Variants in MAGI3 observed in about 807,000 individuals in gnomAD.
MAGI3 encodes membrane-associated guanylate kinase, WW and PDZ domain-containing protein 3.
A neutral mutation model predicts 121.8 loss-of-function variants in MAGI3; 43 were observed. The observed-to-expected ratio is 0.35, with a 90% CI of 0.28 to 0.46. The LOEUF (loss-of-function observed/expected upper bound fraction) is 0.46, where lower values mean the gene tolerates loss of function less well. MAGI3 is among the 20% of genes least tolerant of loss of function. MAGI3 has a pLI of 1.00. For synonymous variants in MAGI3, 553 were observed against 639.3 expected, an observed-to-expected ratio of 0.86 and a Z score of 2.04; for missense variants, 1,547 against 1,797.3, an observed-to-expected ratio of 0.86 and a Z score of 2.52.
chr1:113,627,153 AT>A (rs941995018), intron 9 of MAGI3, among the ~76,000 whole-genome samples: 2 of 151,676 alleles, frequency 1.3e-5, no homozygotes, highest in African/African-American at 2.4e-5. Flanking sequence ...GTTTCAAGAA[AT>A]TTTTCCAATT....
intron 1 of MAGI3, among the ~76,000 whole-genome samples, chr1:113,405,029 G>T (rs918204493): frequency 6.6e-6 from 1 of 152,024 alleles, no homozygotes; most frequent in Non-Finnish European, 1.5e-5. Context: ...TGAAAAAGAG[G>T]CAGTATGTTA....
At chr1:113,438,444 T>C (rs1186516499) in intron 1 of MAGI3, among the ~76,000 whole-genome samples, 1 of 152,200 alleles carries the variant, frequency 6.6e-6, no homozygotes, top group Non-Finnish European at 1.5e-5. Flanking sequence ...GCTGTAACTT[T>C]TGCAGTTTGA....
At chr1:113,575,055 C>T (rs895630673) in intron 2 of MAGI3, among the ~76,000 whole-genome samples, 1 of 152,088 alleles carries the variant, frequency 6.6e-6, no homozygotes, top group Non-Finnish European at 1.5e-5. Flanking sequence ...TTATGTTTTT[C>T]TCTAAACTGG....
chr1:113,645,132 C>T (rs1379863603), intron 11 of MAGI3, among the ~76,000 whole-genome samples: 2 of 147,086 alleles, frequency 1.4e-5, no homozygotes, highest in Non-Finnish European at 3.0e-5. Context: ...TCAAGCAATT[C>T]TTGTGCCTTA....
chr1:113,542,536 T>C (rs978484102), intron 1 of MAGI3, among the ~76,000 whole-genome samples: 13 of 152,246 alleles, frequency 8.5e-5, no homozygotes, highest in African/African-American at 2.9e-4. Context: ...TTGAAATTTC[T>C]TCTTCAATGT....
chr1:113,633,725 A>G (rs2101807179), intron 9 of MAGI3, among the ~76,000 whole-genome samples: 1 of 152,230 alleles, frequency 6.6e-6, no homozygotes, highest in South Asian at 2.1e-4. Context: ...TAGCAGCATG[A>G]TCTATAGTCC....
At chr1:113,563,137 T>G (rs1660307821) in intron 2 of MAGI3, among the ~76,000 whole-genome samples, 1 of 152,208 alleles carries the variant, frequency 6.6e-6, no homozygotes, top group African/African-American at 2.4e-5. Context: ...CAAGTGGAGT[T>G]TGTTTCAGGA....
At chr1:113,510,890 A>T (rs1657583013) in intron 1 of MAGI3, among the ~76,000 whole-genome samples, 1 of 152,194 alleles carries the variant, frequency 6.6e-6, no homozygotes, top group Non-Finnish European at 1.5e-5. Flanking sequence ...TTGCCGCTCA[A>T]ATGTCCCTTG....
At chr1:113,493,106 A>G (rs1053923149) in intron 1 of MAGI3, among the ~76,000 whole-genome samples, 1 of 152,206 alleles carries the variant, frequency 6.6e-6, no homozygotes, top group African/African-American at 2.4e-5. Flanking sequence ...AAAAAGAACA[A>G]AGCTGGAGGC....
chr1:113,660,611 T>G (rs1237951631), intron 16 of MAGI3, among the ~76,000 whole-genome samples: 1 of 114,142 alleles, frequency 8.8e-6, no homozygotes, highest in Non-Finnish European at 1.7e-5. Context: ...TACTAGATGC[T>G]CAGCATTTTT....
intron 1 of MAGI3, among the ~76,000 whole-genome samples, chr1:113,469,639 C>G (rs1025415388): frequency 7.2e-5 from 11 of 151,826 alleles, no homozygotes; most frequent in African/African-American, 4.8e-5. Flanking sequence ...TATCATTTGA[C>G]TTTTGGGAAA....
intron 1 of MAGI3, among the ~76,000 whole-genome samples, chr1:113,539,165 C>T (rs1174888443): frequency 1.3e-5 from 2 of 152,000 alleles, no homozygotes; most frequent in Non-Finnish European, 2.9e-5. Flanking sequence ...GAGGCCAGGG[C>T]GGGTGGATCA....
At chr1:113,557,678 A>T (rs1054748785) in intron 2 of MAGI3, among the ~76,000 whole-genome samples, 2 of 152,166 alleles carry the variant, frequency 1.3e-5, no homozygotes, top group Non-Finnish European at 2.9e-5. Context: ...ACCAATAGGG[A>T]GCTGAAGGGA....
intron 1 of MAGI3, among the ~76,000 whole-genome samples, chr1:113,525,633 CTAAT>C (rs1367754891): frequency 1.3e-5 from 2 of 151,270 alleles, no homozygotes; most frequent in Admixed American, 1.3e-4. Flanking sequence ...TATTTAATAA[CTAAT>C]GTGGTTTAAT....
chr1:113,683,689 C>G lies in MAGI3; in HGVS notation c.4121C>G (p.Thr1374Ser). The G allele has an allele frequency of 6.2e-7, 1 of 1,603,218 alleles. No homozygotes were observed. The highest frequency in any genetic ancestry group is 2.2e-5 in the East Asian group (1 of 44,718). Residue 1374 changes from threonine (T) to serine (S), a missense_variant, in exon 21 of 21, where the codon ACT becomes AGT. Coordinates refer to ENST00000307546, the MANE Select transcript of MAGI3 (RefSeq NM_001142782.2). ...CTTCCATCCAAAATGACTAATAAGA[C>G]TACAAGTAAAGAAGTATCTGAAAAT... ...KSLPSKMTNKTTSKEVSENEK... is the reference protein window; with the variant it reads ...KSLPSKMTNKSTSKEVSENEK...
At chr1:113,557,637 G>A (rs200401388) in intron 2 of MAGI3, among the ~76,000 whole-genome samples, 1 of 152,152 alleles carries the variant, frequency 6.6e-6, no homozygotes. Context: ...GCTCGTCAAC[G>A]GGTCCAACCT....
chr1:113,495,180 G>A (rs148149588), intron 1 of MAGI3, among the ~76,000 whole-genome samples: 1 of 152,172 alleles, frequency 6.6e-6, no homozygotes, highest in African/African-American at 2.4e-5. Context: ...GTAATGCAAA[G>A]TACATGGACT....
chr1:113,395,092 T>TTG (rs1305177921), intron 1 of MAGI3, among the ~76,000 whole-genome samples: 4 of 95,962 alleles, frequency 4.2e-5, no homozygotes, highest in African/African-American at 1.3e-4. Context: ...TGTTAGTTTT[T>TTG]TTTTTTTTTT....
intron 1 of MAGI3, 26 bp from the exon 2 acceptor site, chr1:113,549,489 G>GTTTTTTTT: frequency 1.9e-6 from 2 of 1,028,306 alleles, no homozygotes; most frequent in Non-Finnish European, 2.8e-6. Context: ...TTTATTTTCT[G>GTTTTTTTT]TTTTTTTTTT....
Sources: gnomAD v4.1 joint callset for allele counts (sites outside exome capture counted in the v4.1 genomes callset) on GRCh38, gnomAD v4.1.1 for gene constraint, MANE v1.5 for transcripts, NCBI Gene and HGNC (gene_info 2026-07-23, HGNC 2026-07-21) for gene names.